Variants in SLC24A1 observed in about 807,000 individuals in gnomAD.
The protein encoded by SLC24A1 is solute carrier family 24 member 1.
In SLC24A1, 52 loss-of-function variants were observed where a neutral mutation model predicts 88.1. The ratio of observed to expected loss-of-function variants is 0.59; its 90% CI spans 0.47 to 0.74. The LOEUF is 0.74. Among genes scored for constraint, SLC24A1 ranks in the 30% least tolerant of loss-of-function variants. The pLI, the probability that SLC24A1 is intolerant of heterozygous loss-of-function variation, is 0.00. For missense variants in SLC24A1, 1,173 were observed against 1,363.3 expected (o/e 0.86, Z 2.20); for synonymous variants, 455 against 498.0 (o/e 0.91, Z 1.15).
At chr15:65,645,769 T>A in intron 6 of SLC24A1, 66 bp downstream of exon 6, 2 of 1,058,332 alleles carry the variant, frequency 1.9e-6, no homozygotes, top group Admixed American at 4.2e-5. Context: ...TGACCAAAAA[T>A]ACATCCTCCC....
Position 65,625,899 on chromosome 15 carries a change from G to A in SLC24A1, c.1819G>A (p.Glu607Lys), listed in dbSNP as rs755888983. ...CACCATGAAGTGGAACAAGCATATC[G>A]AGGTCTGGGTGAAGGAGCAGCTCAG... The part of the protein sequence containing the change: ...VFTMKWNKHI[E>K]VWVKEQLSRR... Residue 607 changes from glutamate to lysine, a missense_variant, in exon 2 of 10, where the codon GAG (glutamate) becomes AAG (lysine). By Grantham distance (56) the Glu-to-Lys change is moderately conservative (BLOSUM62 1). Coordinates refer to ENST00000261892, the MANE Select transcript of SLC24A1 (RefSeq NM_004727.3). 1.2e-5 allele frequency: 19 copies of A among 1,613,858 alleles called. No individual in the cohort carries two copies. The highest frequency in any genetic ancestry group is 3.3e-5 in the Admixed American group (2 of 60,008).
intron 2 of SLC24A1, among the ~76,000 whole-genome samples, chr15:65,635,393 T>C (rs938808631): frequency 1.5e-5 from 2 of 133,912 alleles, no homozygotes; most frequent in Non-Finnish European, 3.0e-5. Context: ...GGCAGGAGAA[T>C]CGCTTGAACC....
In SLC24A1 at chr15:65,654,094, C is replaced by T. The variant is rs779812625; in HGVS notation, c.*15C>T. ...TATCTGTCTGAATCAGTCACTCTTG[C>T]TCACAATGGGCATGGATCAGAAGAC... is the stretch of plus-strand genomic sequence containing the variant. On this transcript the variant is annotated 3_prime_UTR_variant, in exon 10 of 10. Transcript: ENST00000261892. 4 of 1,607,886 alleles carry T rather than the reference C, an allele frequency of 2.5e-6. No individual in the cohort carries two copies. The highest frequency in any genetic ancestry group is 2.7e-5 in the African/African-American group (2 of 74,766).
rs2075238137 is a variant in SLC24A1, at chr15:65,644,471, GC to G, written c.2100del (p.Arg701GlufsTer121). On this transcript the variant is annotated frameshift_variant, in exon 5 of 10. Coordinates refer to ENST00000261892, the MANE Select transcript of SLC24A1 (RefSeq NM_004727.3). LOFTEE classifies it high-confidence loss of function. ...GGAGGAGGAGAGCTTGAATCAAGGGGCCAGAGCCCAACCCCAGGCCAAAGCA... is the reference window on the plus strand; with the variant it reads ...GGAGGAGGAGAGCTTGAATCAAGGGGCAGAGCCCAACCCCAGGCCAAAGCA... ...EKEEESLNQGARAQPQAKAES... is the reference protein window; with the variant it reads ...EKEEESLNQGXRAQPQAKAES... 4 of 1,597,218 alleles carry G rather than the reference GC, an allele frequency of 2.5e-6. No individual in the cohort carries two copies. The highest frequency in any genetic ancestry group is 1.7e-6 in the Non-Finnish European group (2 of 1,172,176).
At chr15:65,657,466 C>T (rs571308809), downstream of SLC24A1, among the ~76,000 whole-genome samples, 4 of 151,846 alleles carry the variant, frequency 2.6e-5, no homozygotes, top group Non-Finnish European at 4.4e-5. Flanking sequence ...ACGGTGAAAC[C>T]CCGTCTCTAC....
intron 6 of SLC24A1, among the ~76,000 whole-genome samples, chr15:65,646,023 C>T (rs1312396294): frequency 2.0e-5 from 3 of 152,162 alleles, no homozygotes; most frequent in Non-Finnish European, 4.4e-5. Context: ...CTCCTGAGCA[C>T]TGGGAAGCTT....
At chr15:65,612,647 G>A (rs2073997944) in intron 2 of SLC24A1, 1 of 152,278 alleles carries the variant, frequency 6.6e-6, no homozygotes, top group African/African-American at 2.4e-5. Flanking sequence ...ACTTAGTCAT[G>A]ATTTCTAATC....
chr15:65,615,891 C>A (rs1295343490), intron 2 of SLC24A1, among the ~76,000 whole-genome samples: 1 of 134,900 alleles, frequency 7.4e-6, no homozygotes, highest in Non-Finnish European at 1.6e-5. Flanking sequence ...CCCCCACCCC[C>A]CAACAGGCCC....
chr15:65,642,126 T>C (rs1879907161), intron 4 of SLC24A1, among the ~76,000 whole-genome samples: 1 of 152,122 alleles, frequency 6.6e-6, no homozygotes, highest in African/African-American at 2.4e-5. Flanking sequence ...TGAGATGACA[T>C]ATGGGAGGGG....
chr15:65,629,639 C>T (rs1282541205), intron 2 of SLC24A1, among the ~76,000 whole-genome samples: 1 of 152,312 alleles, frequency 6.6e-6, no homozygotes, highest in Non-Finnish European at 1.5e-5. Context: ...CTGCCTTGAC[C>T]ATGCATAGTC....
chr15:65,660,151 A>G, downstream of SLC24A1: 1 of 628,526 alleles, frequency 1.6e-6, no homozygotes, highest in Non-Finnish European at 2.8e-6. Context: ...AGTAAAGAAT[A>G]ATATTGGAGT....
intron 2 of SLC24A1, among the ~76,000 whole-genome samples, chr15:65,637,583 A>G (rs1434355012): frequency 6.6e-6 from 1 of 152,220 alleles, no homozygotes; most frequent in Non-Finnish European, 1.5e-5. Flanking sequence ...ATAAATATTG[A>G]GCTCTTGCTA....
At chr15:65,635,196 A>T (rs2074874852) in intron 2 of SLC24A1, among the ~76,000 whole-genome samples, 1 of 151,988 alleles carries the variant, frequency 6.6e-6, no homozygotes, top group African/African-American at 2.4e-5. Flanking sequence ...CTCTAAAGAG[A>T]ACTCTTGGCC....
intron 2 of SLC24A1, among the ~76,000 whole-genome samples, chr15:65,632,987 T>G (rs566589633): frequency 2.0e-5 from 3 of 152,184 alleles, no homozygotes; most frequent in Admixed American, 6.5e-5. Context: ...AGGTAAGTGC[T>G]GAGGGATTTA....
chr15:65,636,432 A>T (rs2074935492), intron 2 of SLC24A1, among the ~76,000 whole-genome samples: 1 of 151,934 alleles, frequency 6.6e-6, no homozygotes. Flanking sequence ...AAATACAAAA[A>T]CTAGCCGGGT....
chr15:65,643,818 G>A (rs1368293777), intron 4 of SLC24A1: 1 of 154,040 alleles, frequency 6.5e-6, no homozygotes, highest in Admixed American at 6.4e-5. Context: ...GGGTGTATCC[G>A]AGAGCTTGTT....
chr15:65,642,643 G>A (rs557795986), intron 4 of SLC24A1, among the ~76,000 whole-genome samples: 3 of 152,296 alleles, frequency 2.0e-5, no homozygotes, highest in Non-Finnish European at 2.9e-5. Context: ...TTGTCTGGAC[G>A]AAGGTGTGTT....
In SLC24A1 at chr15:65,611,420, T is replaced by C. The variant is rs371961424; in HGVS notation, c.-609T>C. On this transcript the variant is annotated 5_prime_UTR_variant, in exon 1 of 12. Transcript: ENST00000537259. ...GTCTCTCTGCATTGCCCTGAATCTC[T>C]CCCCATTCTCGGGCTCTTTCCTTCC... is the stretch of plus-strand genomic sequence containing the variant. 563 of 559,936 alleles carry C rather than the reference T, an allele frequency of 1.0e-3. 1 individual carries two copies. Among genetic ancestry groups the C allele is most frequent in the African/African-American group, 8.8e-3 (466 of 53,088 alleles). 34.7% of individuals were successfully genotyped at this position (559,936 alleles called of 1,614,324 possible).
intron 2 of SLC24A1, among the ~76,000 whole-genome samples, chr15:65,636,465 C>G (rs1174635901): frequency 6.6e-6 from 1 of 151,914 alleles, no homozygotes; most frequent in African/African-American, 2.4e-5. Context: ...ACCTGTAGTC[C>G]CAGCTACTTG....
Sources: allele counts gnomAD v4.1 joint callset (sites outside exome capture counted in the v4.1 genomes callset), GRCh38; gene constraint gnomAD v4.1.1; transcripts MANE v1.5; gene names NCBI Gene and HGNC (gene_info 2026-07-23, HGNC 2026-07-21).